Variants in RDH13 observed in about 807,000 individuals in gnomAD.
RDH13 encodes retinol dehydrogenase 13, also known as retinol dehydrogenase 13 (all-trans and 9-cis).
Under a neutral mutation model 28.3 loss-of-function variants are expected in RDH13, and 35 were observed. The observed-to-expected ratio is 1.24, with a 90% CI of 0.95 to 1.64. The LOEUF (loss-of-function observed/expected upper bound fraction) is 1.64. RDH13 is among the 40% of genes most tolerant of loss of function. RDH13 has a pLI of 0.00. For synonymous variants in RDH13, 229 were observed against 198.5 expected (o/e 1.15, Z -1.29); for missense variants, 514 against 446.3 (o/e 1.15, Z -1.37).
At chr19:55,054,466 C>T (rs35271145) in intron 3 of RDH13, among the ~76,000 whole-genome samples, 87,257 of 151,992 alleles carry the variant, frequency 0.57, 25,906 homozygotes, top group Middle Eastern at 0.76. Context: ...TGGTGGCACC[C>T]GCCTATAGTC....
At chr19:55,041,426 C>T (rs2075026795), downstream of RDH13, 1 of 152,306 alleles carries the variant, frequency 6.6e-6, no homozygotes, top group Non-Finnish European at 1.5e-5. Flanking sequence ...GACGGCCCCG[C>T]CCAGGCGGAG....
At chr19:55,043,510 C>CT (rs56329026), downstream of RDH13, among the ~76,000 whole-genome samples, 1 of 151,342 alleles carries the variant, frequency 6.6e-6, no homozygotes, top group East Asian at 2.0e-4. Flanking sequence ...ATGGTGATAC[C>CT]GTCTTTAATT....
chr19:55,045,038 G>GCTC lies in RDH13; in HGVS notation c.*35_*36insGAG. On this transcript the variant is annotated 3_prime_UTR_variant, in exon 7 of 7. Coordinates refer to ENST00000415061, the MANE Select transcript of RDH13 (RefSeq NM_001145971.2). The stretch of plus-strand genomic sequence containing the variant: ...ATGGCGGACAGCTGTCCTCGGTCTG[G>GCTC]AGGCGCCATCCTGGCTTTCAAATCT... 6.8e-7 allele frequency: 1 copy of GCTC among 1,472,990 alleles called. No individual in the cohort carries two copies. The highest frequency in any genetic ancestry group is 9.3e-7 in the Non-Finnish European group (1 of 1,079,160). 91.2% of individuals were successfully genotyped at this position (1,472,990 alleles called of 1,614,324 possible). A position where few individuals can be genotyped will look rare whatever the true frequency, so the allele number is the denominator to read the frequency against.
intron 3 of RDH13, among the ~76,000 whole-genome samples, chr19:55,052,203 G>A (rs2075467134): frequency 6.6e-6 from 1 of 151,438 alleles, no homozygotes; most frequent in South Asian, 2.1e-4. Flanking sequence ...CAGATCACCT[G>A]AGGTCAACCA....
intron 1 of RDH13, 34 bp downstream of exon 1, chr19:55,062,934 C>G: frequency 7.0e-7 from 1 of 1,430,050 alleles, no homozygotes. Flanking sequence ...GGGGGCCCGC[C>G]TTGACCGCGC....
downstream of RDH13, chr19:55,040,912 A>C (rs1315797076): frequency 6.6e-6 from 1 of 152,252 alleles, no homozygotes; most frequent in East Asian, 1.9e-4. Flanking sequence ...AGATCACCTG[A>C]GGTCGGGAGT....
downstream of RDH13, chr19:55,041,201 C>A (rs1390921720): frequency 6.6e-6 from 1 of 152,226 alleles, no homozygotes; most frequent in East Asian, 1.9e-4. Context: ...GTCTTGAACT[C>A]CTCCTGGGCT....
At chr19:55,068,833 C>CAAGA (rs1416380253) in intron 1 of RDH13, 1 of 120,180 alleles carries the variant, frequency 8.3e-6, no homozygotes, top group Non-Finnish European at 1.7e-5. Flanking sequence ...AAGACTCTGT[C>CAAGA]AAGAAAGAAA....
chr19:55,059,313 C>A (rs1178957345), intron 1 of RDH13, 38 bp from the exon 2 acceptor site: 22 of 1,373,494 alleles, frequency 1.6e-5, no homozygotes, highest in Non-Finnish European at 2.2e-5. Flanking sequence ...CCTGTGGGCC[C>A]ACTCTCACCC....
At chr19:55,061,521 T>G (rs985543162) in intron 1 of RDH13, among the ~76,000 whole-genome samples, 2 of 151,190 alleles carry the variant, frequency 1.3e-5, no homozygotes, top group Non-Finnish European at 2.9e-5. Flanking sequence ...ACCGGCACAG[T>G]GCCTCACACC....
At chr19:55,045,921 G>A (rs910707536) in intron 6 of RDH13, among the ~76,000 whole-genome samples, 5 of 140,472 alleles carry the variant, frequency 3.6e-5, no homozygotes, top group African/African-American at 5.4e-5. Context: ...ACTCCAGCCT[G>A]GGTGACAATA....
chr19:55,047,868 C>CTG lies in RDH13; in HGVS notation c.659-382_659-381dup, dbSNP rs1208605328. 1.2e-5 allele frequency: 6 copies of CTG among 481,922 alleles called. No individual in the cohort carries two copies. The South Asian group carries it at 1.3e-4, about 10-fold the overall frequency. 29.9% of individuals were successfully genotyped at this position (481,922 alleles called of 1,614,324 possible). ...TAGCACAGATTTCTCAATCTCAGCA[C>CTG]TGTGGATGCTGTGGGTTGGGAGGAG... is the stretch of plus-strand genomic sequence containing the variant. On this transcript the variant is annotated intron_variant, in intron 5 of 6. Transcript: ENST00000415061.
At chr19:55,064,883 G>A (rs1315919476), upstream of RDH13, among the ~76,000 whole-genome samples, 4 of 147,894 alleles carry the variant, frequency 2.7e-5, 1 homozygote, top group Non-Finnish European at 5.9e-5. Flanking sequence ...AAAGTGCTGG[G>A]ATTACAGGCA....
intron 1 of RDH13, among the ~76,000 whole-genome samples, chr19:55,060,286 G>A (rs1285122308): frequency 2.6e-5 from 4 of 152,168 alleles, no homozygotes; most frequent in Admixed American, 2.0e-4. Flanking sequence ...GCCCTATGGC[G>A]GGAGGCGAGA....
At chr19:55,062,546 G>A (rs2075839021) in intron 1 of RDH13, among the ~76,000 whole-genome samples, 1 of 152,148 alleles carries the variant, frequency 6.6e-6, no homozygotes, top group South Asian at 2.1e-4. Flanking sequence ...GCCGGGCGTG[G>A]TGGCGCACGT....
upstream of RDH13, chr19:55,064,372 G>C (rs1356986334): frequency 6.6e-6 from 1 of 151,050 alleles, no homozygotes; most frequent in African/African-American, 2.4e-5. Context: ...AGTGAGCCGA[G>C]ATTGCCCTAC....
chr19:55,066,182 C>A (rs1252072173), upstream of RDH13, among the ~76,000 whole-genome samples: 5 of 152,202 alleles, frequency 3.3e-5, no homozygotes, highest in Non-Finnish European at 5.9e-5. Flanking sequence ...CAGACACACC[C>A]AAGGGAGTTA....
At chr19:55,064,657 A>C (rs543748176), upstream of RDH13, among the ~76,000 whole-genome samples, 2 of 150,946 alleles carry the variant, frequency 1.3e-5, no homozygotes, top group Admixed American at 6.6e-5. Flanking sequence ...TGTGTCACCC[A>C]GGCTGGAGAG....
At chr19:55,047,619 T>C in intron 5 of RDH13, 131 bp from the exon 6 acceptor site, 1 of 1,411,426 alleles carries the variant, frequency 7.1e-7, no homozygotes, top group Non-Finnish European at 9.3e-7. Flanking sequence ...TCGTCCCTCT[T>C]GCTCTGGAAT....
Sources: allele counts gnomAD v4.1 joint callset (sites outside exome capture counted in the v4.1 genomes callset), GRCh38; gene constraint gnomAD v4.1.1; transcripts MANE v1.5; gene names NCBI Gene and HGNC (gene_info 2026-07-23, HGNC 2026-07-21).